PARD3: variants seen among roughly 807,000 people sequenced by gnomAD.
PARD3 encodes the protein partitioning defective 3 homolog.
In PARD3, 75 loss-of-function variants were observed where a neutral mutation model predicts 155.4. That is an observed-to-expected ratio of 0.48 (90% CI 0.40 to 0.58). The LOEUF (loss-of-function observed/expected upper bound fraction) is 0.58, where lower values mean the gene tolerates loss of function less well. Among genes scored for constraint, PARD3 ranks in the 20% least tolerant of loss-of-function variants. The probability of loss-of-function intolerance (pLI) is 0.00; values close to 1 mark genes in which losing one functional copy is unlikely to be tolerated. For missense variants in PARD3, 1,642 were observed against 1,721.7 expected (o/e 0.95, Z 0.82); for synonymous variants, 576 against 610.5 (o/e 0.94, Z 0.83).
intron 1 of PARD3, among the ~76,000 whole-genome samples, chr10:34,732,090 C>T (rs1040870140): frequency 2.6e-5 from 4 of 152,100 alleles, no homozygotes; most frequent in Admixed American, 2.0e-4. Context: ...AGGCCGGCTG[C>T]CAAAGGGCTA....
At chr10:34,243,619 C>G (rs915968765) in intron 22 of PARD3, among the ~76,000 whole-genome samples, 1 of 152,070 alleles carries the variant, frequency 6.6e-6, no homozygotes, top group Admixed American at 6.6e-5. Flanking sequence ...GGATGGATCA[C>G]GAGGTCAGGA....
chr10:34,457,656 A>C (rs1312560162), intron 4 of PARD3, among the ~76,000 whole-genome samples: 1 of 152,066 alleles, frequency 6.6e-6, no homozygotes, highest in Non-Finnish European at 1.5e-5. Flanking sequence ...GTTGGAGAGC[A>C]ATGGCACAAT....
At position 34,110,055 on chromosome 10, in the gene PARD3, CTGTGGGACCCGAA is replaced by C. The variant is rs1237020378; in HGVS notation, c.*1101_*1113del. On this transcript the variant is annotated 3_prime_UTR_variant, in exon 25 of 25. Coordinates refer to ENST00000374788, the MANE Select transcript of PARD3 (RefSeq NM_001184785.2). ...GAGAGTGAGCTTCCTGCCACCACCG[CTGTGGGACCCGAA>C]AATGTTCTCTGTGTGATGTGTAACG... 2.0e-5 allele frequency: 3 copies of C among 151,982 alleles called. No homozygotes were observed. The highest frequency in any genetic ancestry group is 2.9e-5 in the Non-Finnish European group (2 of 68,042). The allele number at this position is 151,982 out of a possible 1,614,324, so 9.4% of individuals were successfully genotyped here.
At position 34,360,143 on chromosome 10, in the gene PARD3, G is replaced by A. The variant is rs1333937636; in HGVS notation, c.1824C>T (p.Asn608=). 1 of 1,613,954 alleles carries A rather than the reference G, an allele frequency of 6.2e-7. No homozygotes were observed. The highest frequency in any genetic ancestry group is 1.3e-5 in the African/African-American group (1 of 74,916). ...AATCTGCGTGGTTCTCTTTTGACCG[G>A]TTACCTTTGACACTGACACCAAGGC... is the stretch of plus-strand genomic sequence containing the variant. ...SAGLGVSVKG[N]RSKENHADLG... is the part of the protein sequence containing the mutation. Residue 608 remains asparagine (N), a synonymous_variant, in exon 13 of 25, where the codon AAC becomes AAT. Transcript: ENST00000374788.
intron 1 of PARD3, among the ~76,000 whole-genome samples, chr10:34,787,028 C>T (rs928753211): frequency 1.3e-5 from 2 of 152,190 alleles, no homozygotes; most frequent in Non-Finnish European, 2.9e-5. Context: ...AGATCTTTTA[C>T]ATCTTTTATC....
intron 14 of PARD3, among the ~76,000 whole-genome samples, chr10:34,348,479 TC>T (rs1292925030): frequency 2.6e-5 from 4 of 152,228 alleles, no homozygotes; most frequent in Non-Finnish European, 5.9e-5. Flanking sequence ...TAGATGTTAC[TC>T]TATAAAAGGC....
intron 22 of PARD3, among the ~76,000 whole-genome samples, chr10:34,230,347 C>CTACCT (rs1952857487): frequency 6.6e-6 from 1 of 152,124 alleles, no homozygotes; most frequent in South Asian, 2.1e-4. Context: ...TCATCCCCTT[C>CTACCT]TACCTCTACT....
chr10:34,254,183 C>A, intron 22 of PARD3, among the ~76,000 whole-genome samples: 1 of 152,102 alleles, frequency 6.6e-6, no homozygotes, highest in East Asian at 1.9e-4. Flanking sequence ...CGTTCGAGAC[C>A]AGCCTGGCCA....
intron 8 of PARD3, 46 bp downstream of exon 8, chr10:34,384,083 A>G: frequency 6.3e-7 from 1 of 1,591,630 alleles, no homozygotes; most frequent in South Asian, 1.1e-5. Flanking sequence ...GCACTCTGTC[A>G]TGCCTAATGC....
intron 2 of PARD3, among the ~76,000 whole-genome samples, chr10:34,547,361 T>C (rs1044784038): frequency 4.6e-5 from 7 of 152,188 alleles, no homozygotes; most frequent in African/African-American, 1.7e-4. Context: ...ACATGAACAA[T>C]ATAAACAATC....
chr10:34,708,034 T>G (rs1564530916), intron 1 of PARD3, among the ~76,000 whole-genome samples: 1 of 152,218 alleles, frequency 6.6e-6, no homozygotes, highest in Non-Finnish European at 1.5e-5. Context: ...AAAGCTTATA[T>G]TCCTTATCTT....
chr10:34,665,845 C>CGG (rs2093443028), intron 2 of PARD3, among the ~76,000 whole-genome samples: 1 of 53,790 alleles, frequency 1.9e-5, no homozygotes, highest in Non-Finnish European at 3.7e-5. Context: ...AATTAAAGAA[C>CGG]AGAACAGAAC....
intron 2 of PARD3, among the ~76,000 whole-genome samples, chr10:34,665,846 AGAACAGAAC>A (rs1564479545): frequency 7.8e-4 from 45 of 57,824 alleles, no homozygotes; most frequent in African/African-American, 2.5e-3. Context: ...ATTAAAGAAC[AGAACAGAAC>A]AGAACAGAAC....
chr10:34,451,311 G>A lies in PARD3; in HGVS notation c.583-863C>T, dbSNP rs114089861. Among the ~76,000 whole-genome samples the A allele has an allele frequency of 2.3e-3, 354 of 152,202 alleles. 3 individuals carry two copies. Among genetic ancestry groups the A allele is most frequent in the African/African-American group, 8.0e-3 (333 of 41,542 alleles). ...ACGAAATCTAAATCATCTCCTATAA[G>A]AACAAAGTAAAATATTACCTTCAGT... On this transcript the variant is annotated intron_variant, in intron 4 of 24. Coordinates refer to ENST00000374788, the MANE Select transcript of PARD3 (RefSeq NM_001184785.2).
At chr10:34,460,311 C>A (rs190690837) in intron 4 of PARD3, among the ~76,000 whole-genome samples, 28 of 152,046 alleles carry the variant, frequency 1.8e-4, no homozygotes, top group African/African-American at 6.0e-4. Flanking sequence ...CCCTTCCCCC[C>A]AAAAAAACAC....
At chr10:34,335,308 C>T (rs1836056869) in intron 18 of PARD3, among the ~76,000 whole-genome samples, 1 of 151,882 alleles carries the variant, frequency 6.6e-6, no homozygotes, top group Non-Finnish European at 1.5e-5. Flanking sequence ...ATGTGGGATA[C>T]ACATTTTTTA....
intron 5 of PARD3, among the ~76,000 whole-genome samples, chr10:34,434,190 C>G (rs2076080866): frequency 6.6e-6 from 1 of 152,124 alleles, no homozygotes; most frequent in African/African-American, 2.4e-5. Flanking sequence ...CAGGGTAGAT[C>G]TGGAGACTAG....
chr10:34,676,360 G>A (rs1343797238), intron 2 of PARD3, among the ~76,000 whole-genome samples: 1 of 152,050 alleles, frequency 6.6e-6, no homozygotes, highest in Non-Finnish European at 1.5e-5. Flanking sequence ...TGCTTGAGGG[G>A]GAAAAAGTCT....
At chr10:34,479,180 G>A (rs78181661) in intron 3 of PARD3, among the ~76,000 whole-genome samples, 2 of 45,430 alleles carry the variant, frequency 4.4e-5, no homozygotes, top group African/African-American at 9.8e-5. Flanking sequence ...TTTTTTTTTT[G>A]AGACAGAGTC....
Sources: allele counts gnomAD v4.1 joint callset (sites outside exome capture counted in the v4.1 genomes callset), GRCh38; gene constraint gnomAD v4.1.1; transcripts MANE v1.5; gene names NCBI Gene and HGNC (gene_info 2026-07-23, HGNC 2026-07-21).